CCDC50: variants seen among roughly 807,000 people sequenced by gnomAD.
The protein encoded by CCDC50 is coiled-coil domain-containing protein 50.
A neutral mutation model predicts 70.2 loss-of-function variants in CCDC50; 54 were observed. The observed-to-expected ratio is 0.77, with a 90% CI of 0.62 to 0.96. The LOEUF is 0.96. Ranked by LOEUF, CCDC50 falls within the 50% of genes least tolerant of loss-of-function variation. The probability of loss-of-function intolerance (pLI) is 0.00; values close to 1 mark genes in which losing one functional copy is unlikely to be tolerated. For synonymous variants in CCDC50, 216 were observed against 198.8 expected (o/e 1.09, Z -0.73); for missense variants, 558 against 578.7 (o/e 0.96, Z 0.37).
intron 3 of CCDC50, among the ~76,000 whole-genome samples, chr3:191,359,979 A>AT (rs1399027811): frequency 3.9e-5 from 6 of 152,340 alleles, no homozygotes; most frequent in African/African-American, 1.4e-4. Flanking sequence ...ACCGGGTATT[A>AT]TATTTCTGCC....
rs540332567 is a variant in CCDC50 at position 191,380,143 on chromosome 3, T to TA, written c.977-16_977-15insA. 2 of 1,427,948 alleles carry TA rather than the reference T, an allele frequency of 1.4e-6. No homozygotes were observed. Among genetic ancestry groups the TA allele is most frequent in the East Asian group, 4.6e-5 (2 of 43,046 alleles). 88.5% of individuals were successfully genotyped at this position (1,427,948 alleles called of 1,614,324 possible). ...TCGGTTGTTTTATTACATTGAGTTT[T>TA]TTTTTTTTTTTAAAGGAATGAAGCC... On this transcript the variant is annotated splice_polypyrimidine_tract_variant and intron_variant, in intron 6 of 11. Coordinates refer to ENST00000392455, the MANE Select transcript of CCDC50 (RefSeq NM_178335.3).
chr3:191,339,124 G>A (rs1487042824), intron 1 of CCDC50, among the ~76,000 whole-genome samples: 1 of 152,128 alleles, frequency 6.6e-6, no homozygotes, highest in Non-Finnish European at 1.5e-5. Flanking sequence ...AAAGTTTTGG[G>A]TTGGAAACAA....
rs781667150 is a variant in CCDC50, at chr3:191,382,744, A to G, written c.1243-2A>G. On this transcript the variant is annotated splice_acceptor_variant, in intron 9 of 11. Transcript: ENST00000392455. LOFTEE classifies it high-confidence loss of function. ...TTTGTTTGTTTGTATTTTTGTCCATAGCCAAAAACAGCTAAAGCAGCAAAT... is the reference window on the plus strand; with the variant it reads ...TTTGTTTGTTTGTATTTTTGTCCATGGCCAAAAACAGCTAAAGCAGCAAAT... 1 of 1,602,360 alleles carries G rather than the reference A, an allele frequency of 6.2e-7. No homozygotes were observed. Among genetic ancestry groups the G allele is most frequent in the Non-Finnish European group, 8.5e-7 (1 of 1,169,748 alleles).
intron 4 of CCDC50, among the ~76,000 whole-genome samples, chr3:191,364,225 C>G (rs185244543): frequency 6.6e-6 from 1 of 152,100 alleles, no homozygotes; most frequent in East Asian, 1.9e-4. Context: ...CCTGGCACCA[C>G]GTCCGGCTCA....
In CCDC50 at chr3:191,389,884, G is replaced by A. The variant is rs1432807025; in HGVS notation, c.1429+282G>A. Among the ~76,000 whole-genome samples, 13 of 103,458 alleles carry A rather than the reference G, an allele frequency of 1.3e-4. No individual in the cohort carries two copies. In the Admixed American group the frequency reaches 1.4e-3, roughly 11 times the overall value. The allele number at this position is 103,458 out of a possible 152,430, so 67.9% of individuals were successfully genotyped here. A position where few individuals can be genotyped will look rare whatever the true frequency, so the allele number is the denominator to read the frequency against. On this transcript the variant is annotated intron_variant, in intron 11 of 11. Coordinates refer to ENST00000392455, the MANE Select transcript of CCDC50 (RefSeq NM_178335.3). ...TTTTTTTTTTTTTTTTTTTTGAGTC[G>A]GAGTCTCACTGTGTTGCCCAGGCTG...
In CCDC50 at chr3:191,351,335, G is replaced by C. The variant is rs1712100039; in HGVS notation, c.50-5753G>C. 1.4e-5 allele frequency among the ~76,000 whole-genome samples: 2 copies of C among 140,658 alleles called. 1 individual carries two copies. Among genetic ancestry groups the C allele is most frequent in the African/African-American group, 5.2e-5 (2 of 38,720 alleles). The allele number at this position is 140,658 out of a possible 152,430, so 92.3% of individuals were successfully genotyped here. A position where few individuals can be genotyped will look rare whatever the true frequency, so the allele number is the denominator to read the frequency against. ...GGCCTCCAAATTTGATGTCATTTGG[G>C]CTGGAATTTTAAGAGACATTCAAAT... On this transcript the variant is annotated intron_variant, in intron 1 of 11. Transcript: ENST00000392455.
chr3:191,340,458 A>G (rs547059258), intron 1 of CCDC50, among the ~76,000 whole-genome samples: 61 of 152,372 alleles, frequency 4.0e-4, no homozygotes, highest in African/African-American at 1.5e-3. Flanking sequence ...AGTTTTAGCT[A>G]TGCCAAAAAG....
At chr3:191,382,683 T>G in intron 9 of CCDC50, 63 bp from the exon 10 acceptor site, 1 of 1,048,950 alleles carries the variant, frequency 9.5e-7, no homozygotes, top group Non-Finnish European at 1.5e-6. Flanking sequence ...TTCCCTTTGT[T>G]TGATGATTCT....
intron 4 of CCDC50, among the ~76,000 whole-genome samples, chr3:191,365,359 A>G (rs559770847): frequency 3.3e-5 from 5 of 152,124 alleles, no homozygotes; most frequent in African/African-American, 7.2e-5. Flanking sequence ...CATGTTCTAA[A>G]AGAATATTTA....
At chr3:191,390,262 A>T (rs994465434) in intron 11 of CCDC50, among the ~76,000 whole-genome samples, 1 of 152,132 alleles carries the variant, frequency 6.6e-6, no homozygotes, top group Non-Finnish European at 1.5e-5. Context: ...AATTAGATTT[A>T]AAATATGCAT....
intron 1 of CCDC50, among the ~76,000 whole-genome samples, chr3:191,333,256 T>C (rs1385584153): frequency 6.6e-6 from 1 of 152,204 alleles, no homozygotes; most frequent in Non-Finnish European, 1.5e-5. Flanking sequence ...TTTAGAAATG[T>C]CTGTAAAAGG....
At chr3:191,388,594 C>T (rs12635242) in intron 10 of CCDC50, among the ~76,000 whole-genome samples, 15,172 of 151,990 alleles carry the variant, frequency 0.1, 902 homozygotes, top group East Asian at 0.21. Context: ...TATTGCATGG[C>T]GACAAGATAA....
intron 1 of CCDC50, among the ~76,000 whole-genome samples, chr3:191,335,795 G>A (rs754226861): frequency 6.6e-6 from 1 of 152,052 alleles, no homozygotes; most frequent in African/African-American, 2.4e-5. Context: ...CAAGTTCAGC[G>A]AATAATTTAC....
In CCDC50 at chr3:191,397,478, A is replaced by G. The variant is rs1197095897; in HGVS notation, c.*5718A>G. 1 of 152,212 alleles carries G rather than the reference A, an allele frequency of 6.6e-6. No homozygotes were observed. Among genetic ancestry groups the G allele is most frequent in the Admixed American group, 6.5e-5 (1 of 15,280 alleles). 9.4% of individuals were successfully genotyped at this position (152,212 alleles called of 1,614,324 possible). A position where few individuals can be genotyped will look rare whatever the true frequency, so the allele number is the denominator to read the frequency against. ...AGTGTTATAAATATTGAGAAGATACACTGGGGAGATAGCATATAAAAATGA... is the reference window on the plus strand; with the variant it reads ...AGTGTTATAAATATTGAGAAGATACGCTGGGGAGATAGCATATAAAAATGA... On this transcript the variant is annotated 3_prime_UTR_variant, in exon 12 of 12. Coordinates refer to ENST00000392455, the MANE Select transcript of CCDC50 (RefSeq NM_178335.3).
In CCDC50 at chr3:191,370,021, T is replaced by C. The variant is rs768061108; in HGVS notation, c.433T>C (p.Tyr145His). ...AACCCGTGCTTATGCAGATAGTTAC[T>C]ATTATGAAGATGGAGGTAACAATTC... Reference protein sequence around the residue: ...PATRAYADSYYYEDGDQPGSR... With the variant: ...PATRAYADSYHYEDGDQPGSR... The change falls in exon 5 of 12, where the codon TAT (tyrosine) becomes CAT (histidine). Residue 145 changes from tyrosine (Y) to histidine (H), a missense_variant. By Grantham distance (83) the Tyr-to-His change is moderately conservative (BLOSUM62 2). Transcript: ENST00000392455. 3 of 1,604,988 alleles carry C rather than the reference T, an allele frequency of 1.9e-6. No individual in the cohort carries two copies. Among genetic ancestry groups the C allele is most frequent in the Non-Finnish European group, 2.6e-6 (3 of 1,172,040 alleles).
At position 191,329,616 on chromosome 3, in the gene CCDC50, C is replaced by T. The variant is rs1350403259; in HGVS notation, c.-59C>T. ...CTGCTGCTGCGCTCGGGGCCCCGCT[C>T]GGCGCCGGCGGTGACCGGGAAGCCC... On this transcript the variant is annotated 5_prime_UTR_variant, in exon 1 of 12. Transcript: ENST00000392455. 38 of 1,562,218 alleles carry T rather than the reference C, an allele frequency of 2.4e-5. No homozygotes were observed. Among genetic ancestry groups the T allele is most frequent in the African/African-American group, 2.7e-5 (2 of 72,854 alleles).
intron 1 of CCDC50, among the ~76,000 whole-genome samples, chr3:191,346,883 A>G (rs1303089393): frequency 6.6e-6 from 1 of 151,370 alleles, no homozygotes; most frequent in African/African-American, 2.4e-5. Context: ...TAATTTTAAT[A>G]AAGTGATAGA....
At chr3:191,363,680 G>T (rs1189955750) in intron 4 of CCDC50, among the ~76,000 whole-genome samples, 1 of 152,200 alleles carries the variant, frequency 6.6e-6, no homozygotes, top group South Asian at 2.1e-4. Flanking sequence ...TTACACACGT[G>T]TCATTACAGG....
chr3:191,357,456 G>T (rs1009457548), intron 2 of CCDC50, among the ~76,000 whole-genome samples: 1 of 152,152 alleles, frequency 6.6e-6, no homozygotes, highest in South Asian at 2.1e-4. Context: ...TCTGGGGTGC[G>T]TAGAAGGAAT....
Sources: gnomAD v4.1 joint callset for allele counts (sites outside exome capture counted in the v4.1 genomes callset) on GRCh38, gnomAD v4.1.1 for gene constraint, MANE v1.5 for transcripts, NCBI Gene and HGNC (gene_info 2026-07-23, HGNC 2026-07-21) for gene names.